Variants in TNKS observed in about 807,000 individuals in gnomAD.
TNKS encodes the protein tankyrase.
A neutral mutation model predicts 135.8 loss-of-function variants in TNKS; 72 were observed. The ratio of observed to expected loss-of-function variants is 0.53; its 90% CI spans 0.44 to 0.64. The LOEUF is 0.64. TNKS is among the 30% of genes least tolerant of loss of function. The pLI is 0.00. For synonymous variants in TNKS, 849 were observed against 649.3 expected (o/e 1.31, Z -4.68); for missense variants, 1,769 against 1,674.0 (o/e 1.06, Z -0.99).
At chr8:9,598,316 G>A (rs1798871247) in intron 2 of TNKS, among the ~76,000 whole-genome samples, 1 of 151,920 alleles carries the variant, frequency 6.6e-6, no homozygotes, top group African/African-American at 2.4e-5. Flanking sequence ...CAAAGTGCTG[G>A]GATTACAGGT....
At chr8:9,733,489 ATTT>A (rs1307433258) in intron 15 of TNKS, 45 bp downstream of exon 15, 1 of 1,527,462 alleles carries the variant, frequency 6.5e-7, no homozygotes, top group African/African-American at 1.4e-5. Context: ...TTTTATTTAT[ATTT>A]TGGTTATTAC....
chr8:9,746,002 T>A (rs1185653784), intron 17 of TNKS, among the ~76,000 whole-genome samples: 3 of 152,240 alleles, frequency 2.0e-5, no homozygotes, highest in African/African-American at 7.2e-5. Context: ...GGATCTTTCT[T>A]GGCCTTCCCT....
At chr8:9,697,012 A>G (rs1226802189) in intron 5 of TNKS, among the ~76,000 whole-genome samples, 2 of 152,160 alleles carry the variant, frequency 1.3e-5, no homozygotes, top group Non-Finnish European at 2.9e-5. Context: ...TAAGCAAAAA[A>G]CAAAGCCAGA....
intron 20 of TNKS, among the ~76,000 whole-genome samples, chr8:9,760,185 A>G (rs1295740488): frequency 6.6e-6 from 1 of 152,190 alleles, no homozygotes; most frequent in Non-Finnish European, 1.5e-5. Context: ...TTTGTGAACT[A>G]TTCCATCTCA....
At chr8:9,609,518 T>G (rs773303715) in intron 2 of TNKS, among the ~76,000 whole-genome samples, 2 of 152,184 alleles carry the variant, frequency 1.3e-5, no homozygotes, top group African/African-American at 2.4e-5. Context: ...CTTCCCCTGA[T>G]TCCATGAGAC....
At chr8:9,595,076 T>G (rs1388660384) in intron 2 of TNKS, among the ~76,000 whole-genome samples, 1 of 152,202 alleles carries the variant, frequency 6.6e-6, no homozygotes, top group Non-Finnish European at 1.5e-5. Context: ...GCCAGAATAC[T>G]TCCCTTCTGC....
intron 3 of TNKS, among the ~76,000 whole-genome samples, chr8:9,644,069 C>T (rs1308073216): frequency 4.6e-5 from 7 of 152,082 alleles, no homozygotes; most frequent in Non-Finnish European, 1.0e-4. Context: ...TTAGAATAGC[C>T]AAACTCAGAG....
chr8:9,643,183 C>T (rs561072965), intron 3 of TNKS, among the ~76,000 whole-genome samples: 1 of 146,252 alleles, frequency 6.8e-6, no homozygotes, highest in East Asian at 2.1e-4. Flanking sequence ...ACCTTGCACC[C>T]ATTAGGATGG....
At chr8:9,694,761 CAA>C (rs58723864) in intron 5 of TNKS, among the ~76,000 whole-genome samples, 97,071 of 131,988 alleles carry the variant, frequency 0.74, 33,648 homozygotes, top group Middle Eastern at 0.83. Flanking sequence ...GACTCTGTCT[CAA>C]AAAAAAAAAA....
intron 18 of TNKS, among the ~76,000 whole-genome samples, chr8:9,750,468 A>G (rs1422588510): frequency 6.6e-6 from 1 of 152,210 alleles, no homozygotes; most frequent in Non-Finnish European, 1.5e-5. Flanking sequence ...CCAAATTTAC[A>G]AATTTATTTA....
rs34311181 is a variant in TNKS, at chr8:9,698,374, G to GA, written c.1108-6272dup. Among the ~76,000 whole-genome samples, 751 of 98,738 alleles carry GA rather than the reference G, an allele frequency of 7.6e-3. 62 individuals are homozygous for GA. In the East Asian group the frequency reaches 0.11, roughly 14 times the overall value. The allele number at this position is 98,738 out of a possible 152,430, so 64.8% of individuals were successfully genotyped here. On this transcript the variant is annotated intron_variant, in intron 5 of 26. Coordinates refer to ENST00000310430, the MANE Select transcript of TNKS (RefSeq NM_003747.3). ...GTATCTAAAAGTTAAATTTTAAAAT[G>GA]AAAAAAAAAAAAAAAAAGCTTAAGT...
chr8:9,656,732 A>G (rs534903246), intron 3 of TNKS, among the ~76,000 whole-genome samples: 3 of 151,024 alleles, frequency 2.0e-5, no homozygotes, highest in Admixed American at 6.6e-5. Flanking sequence ...CAAGTGAACA[A>G]AGGTCTCTGG....
chr8:9,714,701 G>A (rs183456594), intron 11 of TNKS, among the ~76,000 whole-genome samples: 4 of 152,262 alleles, frequency 2.6e-5, no homozygotes, highest in Admixed American at 2.6e-4. Context: ...ACTTATGAAG[G>A]AGTAATTATA....
At chr8:9,579,489 T>C (rs1255844198) in intron 1 of TNKS, among the ~76,000 whole-genome samples, 1 of 152,164 alleles carries the variant, frequency 6.6e-6, no homozygotes, top group African/African-American at 2.4e-5. Flanking sequence ...TTTATTTTAT[T>C]GAGGAGTCTC....
intron 15 of TNKS, among the ~76,000 whole-genome samples, chr8:9,734,593 A>AAGTGTATTATAT (rs1198046510): frequency 6.6e-6 from 1 of 152,138 alleles, no homozygotes; most frequent in African/African-American, 2.4e-5. Context: ...GTCTGAGAAA[A>AAGTGTATTATAT]AGTGTATTAT....
At chr8:9,661,007 C>G (rs1319993525) in intron 3 of TNKS, among the ~76,000 whole-genome samples, 1 of 149,984 alleles carries the variant, frequency 6.7e-6, no homozygotes, top group African/African-American at 2.5e-5. Flanking sequence ...AATAAAATAC[C>G]TAGGAATCCA....
chr8:9,669,152 C>G (rs1802145215), intron 3 of TNKS, among the ~76,000 whole-genome samples: 1 of 152,102 alleles, frequency 6.6e-6, no homozygotes, highest in African/African-American at 2.4e-5. Flanking sequence ...GGCGCGGTGG[C>G]TCACGCCTGT....
At chr8:9,744,857 A>T (rs1048683825) in intron 17 of TNKS, among the ~76,000 whole-genome samples, 1 of 152,226 alleles carries the variant, frequency 6.6e-6, no homozygotes, top group African/African-American at 2.4e-5. Context: ...TTTCACAAGC[A>T]TGTAGTTGGT....
At chr8:9,755,953 T>C (rs140997099) in intron 20 of TNKS, among the ~76,000 whole-genome samples, 131 of 152,334 alleles carry the variant, frequency 8.6e-4, no homozygotes, top group African/African-American at 3.1e-3. Flanking sequence ...TGTTGAATAA[T>C]ATAGTATCCT....
Sources: gnomAD v4.1 joint callset for allele counts (sites outside exome capture counted in the v4.1 genomes callset) on GRCh38, gnomAD v4.1.1 for gene constraint, MANE v1.5 for transcripts, NCBI Gene and HGNC (gene_info 2026-07-23, HGNC 2026-07-21) for gene names.